The following KCNN4 variants were observed in gnomAD, a reference collection of about 807,000 sequenced individuals.
KCNN4 encodes the protein intermediate conductance calcium-activated potassium channel protein 4.
In KCNN4, 31 loss-of-function variants were observed where a neutral mutation model predicts 45.2. The observed-to-expected ratio is 0.69, with a 90% confidence interval of 0.52 to 0.92. The LOEUF is 0.92. Ranked by LOEUF, KCNN4 falls within the 40% of genes least tolerant of loss-of-function variation. KCNN4 has a pLI of 0.00. For synonymous variants in KCNN4, 231 were observed against 254.6 expected (o/e 0.91, Z 0.88); for missense variants, 463 against 574.0 (o/e 0.81, Z 1.98).
In KCNN4 at chr19:43,780,725, A is replaced by G. The variant is rs1440401125; in HGVS notation, c.137T>C (p.Met46Thr). The G allele has an allele frequency of 1.9e-6, 3 of 1,612,402 alleles. No homozygotes were observed. Among genetic ancestry groups the G allele is most frequent in the Admixed American group, 3.3e-5 (2 of 59,834 alleles). ...CACCGAGCACCCCCCGAACCACAGC[A>G]TCTCTGCATGCAGCACCATGAGTCC... is the stretch of plus-strand genomic sequence containing the variant. ...GIGLMVLHAE[M>T]LWFGGCSWAL... Residue 46 changes from methionine to threonine, a missense_variant, in exon 1 of 9, where the codon ATG (methionine) becomes ACG (threonine). This residue lies in a region of KCNN4 where 225 missense variants were observed against 240.9 expected (regional missense o/e 0.93). Transcript: ENST00000648319.
At chr19:43,777,252 A>G in intron 1 of KCNN4, among the ~76,000 whole-genome samples, 1 of 151,348 alleles carries the variant, frequency 6.6e-6, no homozygotes. Flanking sequence ...TGAAACTCAC[A>G]TTCCTTCTTA....
Position 43,769,894 on chromosome 19 carries a change from A to G in KCNN4, c.820-65T>C. ...CCGACTCCCTCCTTGAACCCGCCCAACAGCCACAGACGGTAGGCACGACCA... is the reference window on the plus strand; with the variant it reads ...CCGACTCCCTCCTTGAACCCGCCCAGCAGCCACAGACGGTAGGCACGACCA... On this transcript the variant is annotated intron_variant, in intron 4 of 8. Transcript: ENST00000648319. This position sits in a 1 kb window ranked among gnomAD's most constrained non-coding sequence, Gnocchi z 4.4. 3 of 1,080,546 alleles carry G rather than the reference A, an allele frequency of 2.8e-6. No homozygotes were observed. The highest frequency in any genetic ancestry group is 4.1e-6 in the Non-Finnish European group (3 of 723,866). The allele number at this position is 1,080,546 out of a possible 1,614,324, so 66.9% of individuals were successfully genotyped here. A position where few individuals can be genotyped will look rare whatever the true frequency, so the allele number is the denominator to read the frequency against.
At position 43,780,714 on chromosome 19, in the gene KCNN4, C is replaced by G; in HGVS notation, c.148G>C (p.Gly50Arg). The G allele has an allele frequency of 2.5e-6, 4 of 1,613,278 alleles. No individual in the cohort carries two copies. Among genetic ancestry groups the G allele is most frequent in the South Asian group, 1.1e-5 (1 of 91,036 alleles). Residue 50 changes from glycine to arginine, a missense_variant, in exon 1 of 9, where the codon GGG becomes CGG. Around this residue, in one of 3 missense-constraint regions of KCNN4, gnomAD observed 225 missense variants for 240.9 expected, o/e 0.93. Transcript: ENST00000648319. ...MVLHAEMLWFGGCSWALYLFL... is the reference protein window; with the variant it reads ...MVLHAEMLWFRGCSWALYLFL... ...CATGCCCCACTCACCGAGCACCCCC[C>G]GAACCACAGCATCTCTGCATGCAGC... is the stretch of plus-strand genomic sequence containing the variant.
rs1487749409 is a variant in KCNN4, at chr19:43,769,104, G to T, written c.1050-72C>A. On this transcript the variant is annotated intron_variant, in intron 6 of 8. Coordinates refer to ENST00000648319, the MANE Select transcript of KCNN4 (RefSeq NM_002250.3). The surrounding 1 kb of genome is among the most constrained non-coding windows in gnomAD (Gnocchi z 4.4). ...TGTAGCTGTAGCTCAGGGGAGGAAT[G>T]AAGGGAGGAGAGGCACATGAAGAAA... 6.8e-7 allele frequency: 1 copy of T among 1,464,542 alleles called. No individual in the cohort carries two copies. The highest frequency in any genetic ancestry group is 9.6e-7 in the Non-Finnish European group (1 of 1,044,036). The allele number at this position is 1,464,542 out of a possible 1,614,324, so 90.7% of individuals were successfully genotyped here. A position where few individuals can be genotyped will look rare whatever the true frequency, so the allele number is the denominator to read the frequency against.
chr19:43,776,215 G>A (rs975524374), intron 2 of KCNN4, among the ~76,000 whole-genome samples: 5 of 151,628 alleles, frequency 3.3e-5, no homozygotes, highest in Middle Eastern at 3.4e-3. Flanking sequence ...ATGCCATGTC[G>A]GAGCACAGAG....
Position 43,774,153 on chromosome 19 carries a change from G to C in KCNN4, c.683+39C>G. On this transcript the variant is annotated intron_variant, in intron 3 of 8. Transcript: ENST00000648319. The surrounding 1 kb of genome is among the most constrained non-coding windows in gnomAD (Gnocchi z 5.6). ...ACAGGACGGCCGCCGTGGCTGTCCG[G>C]GGTTCCCCCCTGCGCATTTATGCCT... 1 of 1,569,668 alleles carries C rather than the reference G, an allele frequency of 6.4e-7. No homozygotes were observed. The highest frequency in any genetic ancestry group is 1.3e-5 in the African/African-American group (1 of 74,132).
intron 3 of KCNN4, among the ~76,000 whole-genome samples, chr19:43,773,766 G>T (rs1969706832): frequency 6.6e-6 from 1 of 152,076 alleles, no homozygotes; most frequent in Non-Finnish European, 1.5e-5. Context: ...CCCCTTCCTA[G>T]GATCACAAAA....
rs2306799 is a variant in KCNN4 at position 43,769,889 on chromosome 19, G to T, written c.820-60C>A. 2 of 1,174,738 alleles carry T rather than the reference G, an allele frequency of 1.7e-6. No individual in the cohort carries two copies. The highest frequency in any genetic ancestry group is 2.3e-5 in the East Asian group (1 of 42,728). 72.8% of individuals were successfully genotyped at this position (1,174,738 alleles called of 1,614,324 possible). The stretch of plus-strand genomic sequence containing the variant: ...TGCCACCGACTCCCTCCTTGAACCC[G>T]CCCAACAGCCACAGACGGTAGGCAC... On this transcript the variant is annotated intron_variant, in intron 4 of 8. Transcript: ENST00000648319. This position sits in a 1 kb window ranked among gnomAD's most constrained non-coding sequence, Gnocchi z 4.4.
At position 43,769,714 on chromosome 19, in the gene KCNN4, C is replaced by G. The variant is rs768122578; in HGVS notation, c.930+5G>C. The stretch of plus-strand genomic sequence containing the variant: ...TGTCCCATGGGTGCCATATGCCCAT[C>G]TCACCTCTTTGGTATACTGGATATC... On this transcript the variant is annotated splice_donor_5th_base_variant and intron_variant, in intron 5 of 8. Coordinates refer to ENST00000648319, the MANE Select transcript of KCNN4 (RefSeq NM_002250.3). The surrounding 1 kb of genome is among the most constrained non-coding windows in gnomAD (Gnocchi z 4.4). 3.1e-6 allele frequency: 5 copies of G among 1,609,828 alleles called. No homozygotes were observed. Among genetic ancestry groups the G allele is most frequent in the Non-Finnish European group, 4.3e-6 (5 of 1,176,466 alleles).
rs1287565888 is a variant in KCNN4 at position 43,774,245 on chromosome 19, G to A, written c.630C>T (p.Gly210=). 5.6e-6 allele frequency: 9 copies of A among 1,613,324 alleles called. No individual in the cohort carries two copies. Among genetic ancestry groups the A allele is most frequent in the Non-Finnish European group, 6.8e-6 (8 of 1,179,722 alleles). ...MNTHPGRLLL[G]LTLGLWLTTA... is the part of the protein sequence containing the mutation. ...TGGTCAGCCAGAGGCCAAGCGTGAG[G>A]CCGAGCAGCAGGCGGCCAGGGTGCG... is the stretch of plus-strand genomic sequence containing the variant. Residue 210 remains glycine, a synonymous_variant, in exon 3 of 9, where the codon GGC becomes GGT. Coordinates refer to ENST00000648319, the MANE Select transcript of KCNN4 (RefSeq NM_002250.3). This position sits in a 1 kb window ranked among gnomAD's most constrained non-coding sequence, Gnocchi z 5.6.
rs1298859774 is a variant in KCNN4 at position 43,774,338 on chromosome 19, G to A, written c.537C>T (p.Tyr179=). ...LRSGVLLNAS[Y]RSIGALNQVR... ...CTTGATTGAGAGCGCCGATGCTGCG[G>A]TAGGAAGCGTTGAGCAGGACGCCGC... is the stretch of plus-strand genomic sequence containing the variant. The change falls in exon 3 of 9, where the codon TAC becomes TAT. Residue 179 remains tyrosine, a synonymous_variant. Transcript: ENST00000648319. The surrounding 1 kb of genome is among the most constrained non-coding windows in gnomAD (Gnocchi z 5.6). 3 of 1,610,612 alleles carry A rather than the reference G, an allele frequency of 1.9e-6. No individual in the cohort carries two copies. The highest frequency in any genetic ancestry group is 2.5e-6 in the Non-Finnish European group (3 of 1,178,554).
Position 43,768,959 on chromosome 19 carries a change from G to C in KCNN4, c.1119+4C>G, listed in dbSNP as rs200532965. On this transcript the variant is annotated splice_donor_region_variant and intron_variant, in intron 7 of 8. Transcript: ENST00000648319. ...CAAGACCTCCTCCCACGGGATCCTA[G>C]TACCTTGGAGATGTCCACCATGGAG... 7 of 1,613,930 alleles carry C rather than the reference G, an allele frequency of 4.3e-6. No individual in the cohort carries two copies. In the South Asian group the frequency reaches 7.7e-5, roughly 18 times the overall value.
chr19:43,774,473 C>A lies in KCNN4; in HGVS notation c.402G>T (p.Pro134=). The A allele has an allele frequency of 6.3e-7, 1 of 1,594,808 alleles. No homozygotes were observed. The highest frequency in any genetic ancestry group is 8.5e-7 in the Non-Finnish European group (1 of 1,170,976). Residue 134 remains proline (P), a synonymous_variant, in exon 3 of 9, where the codon CCG becomes CCT. Transcript: ENST00000648319. This position sits in a 1 kb window ranked among gnomAD's most constrained non-coding sequence, Gnocchi z 5.6. ...GPPCVQDLGA[P]LTSPQPWPGF... ...CCGGCCAGGGCTGCGGGGAGGTCAG[C>A]GGCGCCCCTAAATCCTGCACGCACG...
chr19:43,772,169 A>C lies in KCNN4; in HGVS notation c.684-34T>G, dbSNP rs761249897. The C allele has an allele frequency of 4.4e-6, 7 of 1,607,222 alleles. No homozygotes were observed. In the Admixed American group the frequency reaches 1.2e-4, roughly 28 times the overall value. Reference sequence around the variant, plus strand: ...AAGGGTAGGTTAGTTCTAAAACCCCACCATAGAGGTTTCCATGATATTCAC... The same window carrying C: ...AAGGGTAGGTTAGTTCTAAAACCCCCCCATAGAGGTTTCCATGATATTCAC... On this transcript the variant is annotated intron_variant, in intron 3 of 8. Coordinates refer to ENST00000648319, the MANE Select transcript of KCNN4 (RefSeq NM_002250.3). The surrounding 1 kb of genome is among the most constrained non-coding windows in gnomAD (Gnocchi z 4.4).
intron 2 of KCNN4, among the ~76,000 whole-genome samples, chr19:43,775,544 T>C (rs1302988930): frequency 6.6e-6 from 1 of 152,202 alleles, no homozygotes; most frequent in African/African-American, 2.4e-5. Context: ...ACTTAGCTAC[T>C]CTATGATAAG....
intron 1 of KCNN4, 171 bp from the exon 2 acceptor site, chr19:43,776,807 C>A: frequency 1.6e-6 from 1 of 607,332 alleles, no homozygotes; most frequent in South Asian, 1.9e-5. Flanking sequence ...GTCTCAAAAC[C>A]ATCATCTGGG....
rs1423585315 is a variant in KCNN4 at position 43,769,570 on chromosome 19, G to C, written c.931-10C>G. On this transcript the variant is annotated splice_polypyrimidine_tract_variant and intron_variant, in intron 5 of 8. Coordinates refer to ENST00000648319, the MANE Select transcript of KCNN4 (RefSeq NM_002250.3). This position sits in a 1 kb window ranked among gnomAD's most constrained non-coding sequence, Gnocchi z 4.4. ...CAGCGGACTCCTTCATCTGGGGGTG[G>C]GTGGCACAGTGTCCGTGGAGATAGA... is the stretch of plus-strand genomic sequence containing the variant. 1.2e-5 allele frequency: 20 copies of C among 1,610,524 alleles called. No individual in the cohort carries two copies. The highest frequency in any genetic ancestry group is 1.7e-5 in the Non-Finnish European group (20 of 1,176,678).
intron 2 of KCNN4, among the ~76,000 whole-genome samples, chr19:43,775,871 A>G (rs1211962477): frequency 6.6e-6 from 1 of 152,056 alleles, no homozygotes; most frequent in Non-Finnish European, 1.5e-5. Context: ...TCAAGCCCGT[A>G]ATCCTAGCAC....
rs981194854 is a variant in KCNN4, at chr19:43,772,804, G to A, written c.684-669C>T. Among the ~76,000 whole-genome samples, 2 of 152,178 alleles carry A rather than the reference G, an allele frequency of 1.3e-5. No individual in the cohort carries two copies. The highest frequency in any genetic ancestry group is 4.8e-5 in the African/African-American group (2 of 41,440). ...CCACCGGGTTGGAGTTTCTAGGAGCGAAGATGGAATCTGTACTGTTCACAA... is the reference window on the plus strand; with the variant it reads ...CCACCGGGTTGGAGTTTCTAGGAGCAAAGATGGAATCTGTACTGTTCACAA... On this transcript the variant is annotated intron_variant, in intron 3 of 8. Coordinates refer to ENST00000648319, the MANE Select transcript of KCNN4 (RefSeq NM_002250.3). The surrounding 1 kb of genome is among the most constrained non-coding windows in gnomAD (Gnocchi z 4.4).
Sources: gnomAD v4.1 joint callset for allele counts (sites outside exome capture counted in the v4.1 genomes callset) on GRCh38, gnomAD v4.1.1 for gene constraint, gnomAD v4.1.1 regional missense constraint, Gnocchi (gnomAD v3.1) non-coding constraint, MANE v1.5 for transcripts, NCBI Gene and HGNC (gene_info 2026-07-23, HGNC 2026-07-21) for gene names.